The following NTRK3 variants were observed in gnomAD, a reference collection of about 807,000 sequenced individuals.
NTRK3 encodes NT-3 growth factor receptor.
A neutral mutation model predicts 91.7 loss-of-function variants in NTRK3; 24 were observed. That is an observed-to-expected ratio of 0.26 (90% CI 0.19 to 0.37). The LOEUF is 0.37. NTRK3 is among the 10% of genes least tolerant of loss of function. NTRK3 has a pLI of 1.00. For missense variants in NTRK3, 880 were observed against 1,068.9 expected (o/e 0.82, Z 2.46); for synonymous variants, 483 against 404.0 (o/e 1.20, Z -2.34).
intron 13 of NTRK3, among the ~76,000 whole-genome samples, chr15:88,069,181 T>C (rs1240052342): frequency 6.6e-6 from 1 of 152,168 alleles, no homozygotes; most frequent in Admixed American, 6.5e-5. Context: ...AGGACAACCT[T>C]GCAGAAAGAG....
intron 5 of NTRK3, among the ~76,000 whole-genome samples, chr15:88,156,850 T>C (rs536304109): frequency 5.9e-5 from 9 of 152,274 alleles, no homozygotes; most frequent in African/African-American, 1.9e-4. Context: ...ACCCAGTAAG[T>C]GCTCAAAGAA....
At chr15:88,058,244 C>T (rs898867965) in intron 13 of NTRK3, among the ~76,000 whole-genome samples, 18 of 152,126 alleles carry the variant, frequency 1.2e-4, no homozygotes, top group Admixed American at 1.2e-3. Flanking sequence ...CGACGTCAGA[C>T]AGTTCTTGAG....
intron 14 of NTRK3, among the ~76,000 whole-genome samples, chr15:87,993,321 G>A (rs2075427829): frequency 6.6e-6 from 1 of 152,200 alleles, no homozygotes; most frequent in African/African-American, 2.4e-5. Flanking sequence ...TCAAGATGTG[G>A]CTAATAGGAT....
chr15:88,076,362 ACAATT>A (rs2047544795), intron 13 of NTRK3, among the ~76,000 whole-genome samples: 1 of 152,166 alleles, frequency 6.6e-6, no homozygotes, highest in Admixed American at 6.5e-5. Context: ...TATAGGAGCC[ACAATT>A]CAAGATGAGA....
intron 13 of NTRK3, among the ~76,000 whole-genome samples, chr15:88,093,272 G>A (rs944418025): frequency 6.6e-6 from 1 of 151,896 alleles, no homozygotes. Context: ...TCTGGAAAAT[G>A]CCAATTCTGT....
intron 10 of NTRK3, among the ~76,000 whole-genome samples, chr15:88,132,490 G>C (rs1203997591): frequency 6.6e-6 from 1 of 152,176 alleles, no homozygotes; most frequent in Non-Finnish European, 1.5e-5. Context: ...AGATGGGAGG[G>C]CTATCTGGGA....
intron 3 of NTRK3, among the ~76,000 whole-genome samples, chr15:88,203,156 G>C (rs1316046480): frequency 6.6e-6 from 1 of 152,160 alleles, no homozygotes; most frequent in Non-Finnish European, 1.5e-5. Context: ...GTGATTGCTA[G>C]CTCGGTACAC....
At chr15:88,041,848 A>G (rs895302778) in intron 13 of NTRK3, among the ~76,000 whole-genome samples, 44 of 144,774 alleles carry the variant, frequency 3.0e-4, no homozygotes, top group African/African-American at 1.2e-3. Flanking sequence ...AAAAAAAAAA[A>G]GGGCTTGTCG....
intron 17 of NTRK3, among the ~76,000 whole-genome samples, chr15:87,911,475 TG>T (rs1181398672): frequency 6.6e-6 from 1 of 152,172 alleles, no homozygotes; most frequent in Non-Finnish European, 1.5e-5. Context: ...AGAAACCCAA[TG>T]GGGATGGAGA....
intron 14 of NTRK3, among the ~76,000 whole-genome samples, chr15:88,032,104 G>A (rs1384223962): frequency 6.6e-6 from 1 of 152,128 alleles, no homozygotes; most frequent in Non-Finnish European, 1.5e-5. Context: ...AGTAGGAGGA[G>A]CGGGGGTCTG....
rs192438596 is a variant in NTRK3, at chr15:88,203,889, G to A, written c.249-19590C>T. ...ATAATTTTTTTAAATGTTACTTTAA[G>A]TTCAGGGATACATGTGCAGAATGTG... On this transcript the variant is annotated intron_variant, in intron 3 of 18. Coordinates refer to ENST00000394480, the Ensembl canonical transcript of NTRK3. Among the ~76,000 whole-genome samples, 3 of 152,152 alleles carry A rather than the reference G, an allele frequency of 2.0e-5. No individual in the cohort carries two copies. In the East Asian group the frequency reaches 5.8e-4, roughly 29 times the overall value.
intron 13 of NTRK3, among the ~76,000 whole-genome samples, chr15:88,061,811 G>T (rs758851162): frequency 6.6e-6 from 1 of 152,150 alleles, no homozygotes; most frequent in Non-Finnish European, 1.5e-5. Flanking sequence ...GTCTGTGGAG[G>T]CACTCAGAGC....
At position 88,175,090 on chromosome 15, in the gene NTRK3, G is replaced by A. The variant is rs146428283; in HGVS notation, c.395+8328C>T. Reference sequence around the variant, plus strand: ...AGACACCAAGTTTCATGCACCCCCAGTAGCCTATCTACTGCATACACTGAT... The same window carrying A: ...AGACACCAAGTTTCATGCACCCCCAATAGCCTATCTACTGCATACACTGAT... On this transcript the variant is annotated intron_variant, in intron 5 of 18. Transcript: ENST00000394480. Among the ~76,000 whole-genome samples the A allele has an allele frequency of 2.7e-4, 41 of 152,336 alleles. No homozygotes were observed. In the East Asian group the frequency reaches 5.2e-3, roughly 19 times the overall value.
intron 3 of NTRK3, among the ~76,000 whole-genome samples, chr15:88,249,258 C>G (rs1041841294): frequency 1.3e-5 from 2 of 152,204 alleles, no homozygotes; most frequent in Admixed American, 1.3e-4. Flanking sequence ...GTGAACAGAG[C>G]TCAGCAGAAG....
intron 13 of NTRK3, among the ~76,000 whole-genome samples, chr15:88,049,170 T>C (rs2080554443): frequency 6.6e-6 from 1 of 152,194 alleles, no homozygotes; most frequent in Non-Finnish European, 1.5e-5. Flanking sequence ...GCAAGTCTTG[T>C]CTCCTGCTCA....
At chr15:87,990,679 C>T (rs1336263290) in intron 14 of NTRK3, among the ~76,000 whole-genome samples, 1 of 152,152 alleles carries the variant, frequency 6.6e-6, no homozygotes, top group Non-Finnish European at 1.5e-5. Flanking sequence ...TCTCCAACTT[C>T]CTTCTTCAAT....
chr15:88,061,036 T>G (rs1466808042), intron 13 of NTRK3, among the ~76,000 whole-genome samples: 2 of 152,134 alleles, frequency 1.3e-5, no homozygotes, highest in Non-Finnish European at 2.9e-5. Flanking sequence ...GTTCATCTAC[T>G]TCCATTTTTT....
intron 3 of NTRK3, among the ~76,000 whole-genome samples, chr15:88,227,975 C>A (rs1167482592): frequency 5.3e-5 from 8 of 152,178 alleles, no homozygotes; most frequent in Admixed American, 5.2e-4. Flanking sequence ...CTTCAGCCCT[C>A]ACCTCTAGAC....
At chr15:88,045,799 T>C (rs1418385271) in intron 13 of NTRK3, among the ~76,000 whole-genome samples, 1 of 152,208 alleles carries the variant, frequency 6.6e-6, no homozygotes, top group African/African-American at 2.4e-5. Context: ...CATGTAGCCT[T>C]CTCCGCTCAT....
Sources: gnomAD v4.1 joint callset for allele counts (sites outside exome capture counted in the v4.1 genomes callset) on GRCh38, gnomAD v4.1.1 for gene constraint, MANE v1.5 for transcripts, NCBI Gene and HGNC (gene_info 2026-07-23, HGNC 2026-07-21) for gene names.